Variants in SERHL2 observed in about 807,000 individuals in gnomAD.
SERHL2 encodes serine hydrolase-like protein 2.
Under a neutral mutation model 25.5 loss-of-function variants are expected in SERHL2, and 29 were observed. The observed-to-expected ratio is 1.14, with a 90% CI of 0.85 to 1.55. SERHL2 has a LOEUF of 1.55. Ranked by LOEUF, SERHL2 falls within the 40% of genes most tolerant of loss-of-function variation. The pLI, the probability that SERHL2 is intolerant of heterozygous loss-of-function variation, is 0.00. For missense variants in SERHL2, 240 were observed against 252.3 expected (o/e 0.95, Z 0.33); for synonymous variants, 95 against 103.5 (o/e 0.92, Z 0.50).
At chr22:42,559,566 G>T (rs571716232) in intron 7 of SERHL2, among the ~76,000 whole-genome samples, 1 of 151,746 alleles carries the variant, frequency 6.6e-6, no homozygotes, top group East Asian at 2.0e-4. Flanking sequence ...GCCAAGCGTG[G>T]TGGTGGCGGG....
chr22:42,563,686 ATTTTT>A (rs929736744), intron 8 of SERHL2, among the ~76,000 whole-genome samples: 29 of 151,884 alleles, frequency 1.9e-4, no homozygotes, highest in Non-Finnish European at 4.0e-4. Flanking sequence ...CCCACATTTT[ATTTTT>A]TATTATACTC....
At chr22:42,557,574 AAAAAAAAAAG>A (rs1272075325) in intron 6 of SERHL2, among the ~76,000 whole-genome samples, 3 of 70,178 alleles carry the variant, frequency 4.3e-5, no homozygotes, top group Non-Finnish European at 1.4e-4. Flanking sequence ...AAAAAAAAAA[AAAAAAAAAAG>A]AATGACGGCA....
chr22:42,563,441 C>T (rs543675986), intron 8 of SERHL2: 17 of 442,476 alleles, frequency 3.8e-5, no homozygotes, highest in Non-Finnish European at 7.3e-5. Context: ...TGAACTCAAG[C>T]GATCCTACTG....
chr22:42,568,186 G>C (rs1178532626), intron 9 of SERHL2, among the ~76,000 whole-genome samples: 5 of 127,702 alleles, frequency 3.9e-5, no homozygotes, highest in African/African-American at 1.5e-4. Flanking sequence ...ACCACACCCA[G>C]CTAAATTTTT....
intron 9 of SERHL2, among the ~76,000 whole-genome samples, chr22:42,567,878 C>T (rs1462845980): frequency 2.6e-5 from 4 of 151,346 alleles, no homozygotes; most frequent in Admixed American, 6.6e-5. Context: ...TACAGGCACC[C>T]ACCACCACAC....
chr22:42,567,292 C>T (rs1168954359), intron 9 of SERHL2, among the ~76,000 whole-genome samples: 2 of 151,980 alleles, frequency 1.3e-5, no homozygotes, highest in Non-Finnish European at 2.9e-5. Context: ...TGTCTTTGAT[C>T]CGTGTGGGAT....
intron 1 of SERHL2, 67 bp downstream of exon 1, chr22:42,554,109 G>T: frequency 6.4e-7 from 1 of 1,574,630 alleles, no homozygotes; most frequent in East Asian, 2.3e-5. Flanking sequence ...GTAGAAGAGG[G>T]CGGGATGGAG....
intron 9 of SERHL2, among the ~76,000 whole-genome samples, chr22:42,567,705 TCG>T (rs2146728560): frequency 6.7e-6 from 1 of 150,050 alleles, no homozygotes; most frequent in South Asian, 2.1e-4. Context: ...AAATAAAAGT[TCG>T]ATTTTTCTTT....
chr22:42,566,269 C>T (rs578027158), intron 8 of SERHL2, 35 bp from the exon 9 acceptor site: 4 of 1,605,728 alleles, frequency 2.5e-6, no homozygotes, highest in South Asian at 1.1e-5. Flanking sequence ...TGATGGACAG[C>T]ATTGACGCTG....
At chr22:42,569,511 C>T (rs1923867198) in intron 9 of SERHL2, 1 of 151,944 alleles carries the variant, frequency 6.6e-6, no homozygotes, top group African/African-American at 2.4e-5. Flanking sequence ...CCACCTGCCT[C>T]AGCTTCCCAA....
At chr22:42,566,061 G>A (rs1450942256) in intron 8 of SERHL2, among the ~76,000 whole-genome samples, 1 of 152,062 alleles carries the variant, frequency 6.6e-6, no homozygotes, top group African/African-American at 2.4e-5. Context: ...TTCTGCACCG[G>A]CCCTTTGGGG....
intron 9 of SERHL2, among the ~76,000 whole-genome samples, chr22:42,568,836 C>T (rs1923762961): frequency 6.6e-6 from 1 of 151,726 alleles, no homozygotes; most frequent in Non-Finnish European, 1.5e-5. Flanking sequence ...TGTGGTGGCA[C>T]ACACCTGTAG....
intron 11 of SERHL2, chr22:42,573,254 T>TA (rs1924495579): frequency 6.6e-6 from 1 of 150,510 alleles, no homozygotes; most frequent in Admixed American, 6.6e-5. Context: ...TTTTTTTTTT[T>TA]TTTTTTTGAG....
chr22:42,568,005 C>T (rs1315349209), intron 9 of SERHL2, among the ~76,000 whole-genome samples: 1 of 151,720 alleles, frequency 6.6e-6, no homozygotes, highest in Non-Finnish European at 1.5e-5. Context: ...GCTGGGATTA[C>T]AGGCATGAGC....
Position 42,574,256 on chromosome 22 carries a change from C to G in SERHL2, c.*201C>G, listed in dbSNP as rs367914427. On this transcript the variant is annotated 3_prime_UTR_variant, in exon 12 of 12. Coordinates refer to ENST00000327678, the MANE Select transcript of SERHL2 (RefSeq NM_014509.5). Reference sequence around the variant, plus strand: ...TCAAGGGGGAGACAGAGTCTGGGTTCCAGGGCTGCTTTCTCCTGGCTAATA... The same window carrying G: ...TCAAGGGGGAGACAGAGTCTGGGTTGCAGGGCTGCTTTCTCCTGGCTAATA... 1.0e-5 allele frequency: 6 copies of G among 594,650 alleles called. No individual in the cohort carries two copies. The highest frequency in any genetic ancestry group is 1.8e-5 in the Non-Finnish European group (6 of 338,384). The allele number at this position is 594,650 out of a possible 1,614,324, so 36.8% of individuals were successfully genotyped here. A position where few individuals can be genotyped will look rare whatever the true frequency, so the allele number is the denominator to read the frequency against.
At chr22:42,564,959 G>GGCGC (rs67794471) in intron 8 of SERHL2, 10,791 of 144,416 alleles carry the variant, frequency 0.075, 640 homozygotes, top group East Asian at 0.2. Context: ...CACCATGCTC[G>GGCGC]GCGCGCGCGT....
At position 42,559,675 on chromosome 22, in the gene SERHL2, C is replaced by T. The variant is rs533808595; in HGVS notation, c.534-511C>T. On this transcript the variant is annotated intron_variant, in intron 7 of 11. Transcript: ENST00000327678. ...CAGAGCTTGCAGTGAACCCAGATTG[C>T]GCCACTGTACTCCAGCCTGGGCAAC... Among the ~76,000 whole-genome samples the T allele has an allele frequency of 1.3e-3, 195 of 151,404 alleles. 1 individual carries two copies. The highest frequency in any genetic ancestry group is 1.6e-3 in the Non-Finnish European group (108 of 67,850).
intron 8 of SERHL2, among the ~76,000 whole-genome samples, chr22:42,565,764 A>G (rs1033339292): frequency 6.6e-6 from 1 of 151,572 alleles, no homozygotes; most frequent in African/African-American, 2.4e-5. Flanking sequence ...TACCTGTGTA[A>G]TTTTTCCACG....
intron 1 of SERHL2, among the ~76,000 whole-genome samples, chr22:42,554,624 C>A (rs1922005206): frequency 1.3e-5 from 2 of 152,116 alleles, no homozygotes; most frequent in Non-Finnish European, 2.9e-5. Flanking sequence ...ACCCAGCCAG[C>A]AAGTGATGGG....
Sources: gnomAD v4.1 joint callset for allele counts (sites outside exome capture counted in the v4.1 genomes callset) on GRCh38, gnomAD v4.1.1 for gene constraint, MANE v1.5 for transcripts, NCBI Gene and HGNC (gene_info 2026-07-23, HGNC 2026-07-21) for gene names.